Variants in CSTPP1 observed in about 807,000 individuals in gnomAD.
The protein encoded by CSTPP1 is UPF0705 protein C11orf49.
chr11:47,015,249 G>A, the CSTPP1 span, among the ~76,000 whole-genome samples: 7 of 151,802 alleles, frequency 4.6e-5, no homozygotes, highest in Non-Finnish European at 7.4e-5. Flanking sequence ...CAGGGGGATC[G>A]CGAGGTCAGG....
chr11:47,099,139 C>A, the CSTPP1 span, among the ~76,000 whole-genome samples: 12 of 152,252 alleles, frequency 7.9e-5, no homozygotes, highest in East Asian at 2.1e-3. Flanking sequence ...TTCTATAACC[C>A]TCTCTGTCAC....
At chr11:47,095,118 A>T in the CSTPP1 span, among the ~76,000 whole-genome samples, 339 of 152,316 alleles carry the variant, frequency 2.2e-3, no homozygotes, top group Non-Finnish European at 3.7e-3. Context: ...GGAGAAGTAC[A>T]GTAATCATTG....
At chr11:46,958,920 C>T in the CSTPP1 span, among the ~76,000 whole-genome samples, 2 of 152,046 alleles carry the variant, frequency 1.3e-5, no homozygotes, top group African/African-American at 4.8e-5. Context: ...TGGTGCCCAC[C>T]CACATTGGTG....
the CSTPP1 span, among the ~76,000 whole-genome samples, chr11:47,044,367 A>C: frequency 2.0e-5 from 3 of 151,898 alleles, no homozygotes; most frequent in African/African-American, 7.3e-5. Context: ...GAAAATTCTC[A>C]GCCAATATAT....
chr11:47,153,696 A>G, the CSTPP1 span, among the ~76,000 whole-genome samples: 3 of 152,248 alleles, frequency 2.0e-5, no homozygotes, highest in Non-Finnish European at 4.4e-5. Context: ...TAGGGCACTC[A>G]GGAAATGGCA....
the CSTPP1 span, among the ~76,000 whole-genome samples, chr11:47,051,542 C>T: frequency 6.6e-5 from 10 of 152,136 alleles, no homozygotes; most frequent in Middle Eastern, 3.4e-3. Context: ...TATCCTTTGG[C>T]ACATGGGATT....
chr11:47,096,217 A>G, the CSTPP1 span, among the ~76,000 whole-genome samples: 1 of 152,248 alleles, frequency 6.6e-6, no homozygotes, highest in Non-Finnish European at 1.5e-5. Context: ...TATGTAATAT[A>G]GAACTTACCA....
the CSTPP1 span, among the ~76,000 whole-genome samples, chr11:47,106,702 T>C: frequency 1.3e-5 from 2 of 151,736 alleles, no homozygotes; most frequent in South Asian, 4.2e-4. Flanking sequence ...GGGACCTTAC[T>C]TGGTAATTTT....
At chr11:46,981,327 A>G in the CSTPP1 span, among the ~76,000 whole-genome samples, 1 of 152,082 alleles carries the variant, frequency 6.6e-6, no homozygotes, top group Admixed American at 6.5e-5. Flanking sequence ...TGAAAACAGA[A>G]CAAGCTCACA....
At chr11:47,117,535 C>T in the CSTPP1 span, among the ~76,000 whole-genome samples, 2 of 152,168 alleles carry the variant, frequency 1.3e-5, no homozygotes, top group Non-Finnish European at 2.9e-5. Flanking sequence ...GTGGGTAACT[C>T]AACCTTTCTC....
the CSTPP1 span, among the ~76,000 whole-genome samples, chr11:47,064,202 G>C: frequency 6.6e-6 from 1 of 152,038 alleles, no homozygotes; most frequent in African/African-American, 2.4e-5. Context: ...AGTTCTTCAT[G>C]TATTCTGGAT....
the CSTPP1 span, among the ~76,000 whole-genome samples, chr11:47,054,310 CAAA>C: frequency 9.6e-5 from 4 of 41,584 alleles, no homozygotes; most frequent in Non-Finnish European, 1.5e-4. Context: ...TACTCCGTCT[CAAA>C]AAAAAAAAAA....
the CSTPP1 span, chr11:47,161,813 C>T: frequency 1.1e-5 from 15 of 1,402,930 alleles, no homozygotes; most frequent in Admixed American, 1.2e-4. Flanking sequence ...CCAGTGGCCC[C>T]GGAAGGTGAA....
At chr11:47,157,997 C>T in the CSTPP1 span, 14 of 1,334,022 alleles carry the variant, frequency 1.0e-5, no homozygotes, top group African/African-American at 1.4e-5. Flanking sequence ...GTTAGCAACA[C>T]GGCTCCAGAG....
At chr11:46,937,436 T>C in the CSTPP1 span, among the ~76,000 whole-genome samples, 1 of 152,184 alleles carries the variant, frequency 6.6e-6, no homozygotes, top group Non-Finnish European at 1.5e-5. Flanking sequence ...AGATATTGAC[T>C]TGGCTCTTGA....
At chr11:46,959,202 GTTT>G in the CSTPP1 span, among the ~76,000 whole-genome samples, 3 of 142,334 alleles carry the variant, frequency 2.1e-5, no homozygotes, top group Non-Finnish European at 4.6e-5. Flanking sequence ...TGTTTTATTG[GTTT>G]TTTTTTTTGC....
At chr11:47,124,843 T>C in the CSTPP1 span, among the ~76,000 whole-genome samples, 1 of 152,206 alleles carries the variant, frequency 6.6e-6, no homozygotes, top group East Asian at 1.9e-4. Context: ...CAGTGAAAGA[T>C]AAGGATCAGG....
At chr11:47,119,130 C>A in the CSTPP1 span, among the ~76,000 whole-genome samples, 1 of 152,254 alleles carries the variant, frequency 6.6e-6, no homozygotes, top group Admixed American at 6.5e-5. Context: ...AGCTTCCCAG[C>A]CGCTCTGTTT....
chr11:47,050,088 A>C, the CSTPP1 span, among the ~76,000 whole-genome samples: 5 of 152,202 alleles, frequency 3.3e-5, no homozygotes, highest in African/African-American at 7.2e-5. Flanking sequence ...AAAATGACCT[A>C]GAAGGGTTAT....
Sources: allele counts gnomAD v4.1 joint callset (sites outside exome capture counted in the v4.1 genomes callset), GRCh38; gene constraint gnomAD v4.1.1; transcripts MANE v1.5; gene names NCBI Gene and HGNC (gene_info 2026-07-23, HGNC 2026-07-21).